CTNNBIP1: variants seen among roughly 807,000 people sequenced by gnomAD.
CTNNBIP1 encodes catenin beta interacting protein 1, also known as beta-catenin-interacting protein 1.
Under a neutral mutation model 11.8 loss-of-function variants are expected in CTNNBIP1, and 7 were observed. The observed-to-expected ratio is 0.60, with a 90% CI of 0.34 to 1.12. The LOEUF (loss-of-function observed/expected upper bound fraction) is 1.12. CTNNBIP1 is among the 50% of genes most tolerant of loss of function. The pLI, the probability that CTNNBIP1 is intolerant of heterozygous loss-of-function variation, is 0.03. For synonymous variants in CTNNBIP1, 58 were observed against 43.9 expected (o/e 1.32, Z -1.26); for missense variants, 101 against 113.4 (o/e 0.89, Z 0.50).
chr1:9,909,398 C>G (rs1270031924), intron 1 of CTNNBIP1, among the ~76,000 whole-genome samples: 2 of 152,204 alleles, frequency 1.3e-5, no homozygotes, highest in African/African-American at 4.8e-5. Context: ...ACAACAGGCA[C>G]TGCTCAGACA....
intron 5 of CTNNBIP1, among the ~76,000 whole-genome samples, chr1:9,869,602 G>A (rs1348830481): frequency 6.6e-6 from 1 of 152,194 alleles, no homozygotes; most frequent in Non-Finnish European, 1.5e-5. Flanking sequence ...TGGGATTACA[G>A]CTGTGAGCCA....
chr1:9,889,650 A>C (rs1312030101), intron 1 of CTNNBIP1, among the ~76,000 whole-genome samples: 1 of 152,154 alleles, frequency 6.6e-6, no homozygotes, highest in African/African-American at 2.4e-5. Flanking sequence ...CACCGCCCCA[A>C]CACTGTACCT....
chr1:9,859,520 TG>T (rs1458966781), intron 5 of CTNNBIP1, among the ~76,000 whole-genome samples: 1 of 152,190 alleles, frequency 6.6e-6, no homozygotes, highest in Non-Finnish European at 1.5e-5. Flanking sequence ...GAAAGCCTCC[TG>T]GGGGCCTCTG....
chr1:9,894,058 T>A (rs372229572), intron 1 of CTNNBIP1, among the ~76,000 whole-genome samples: 1 of 152,204 alleles, frequency 6.6e-6, no homozygotes, highest in African/African-American at 2.4e-5. Context: ...TGTTTTTTTT[T>A]CTTCCTCCTC....
chr1:9,852,450 C>G (rs1296574250), intron 5 of CTNNBIP1, among the ~76,000 whole-genome samples: 1 of 152,188 alleles, frequency 6.6e-6, no homozygotes, highest in Admixed American at 6.5e-5. Flanking sequence ...GAAAGGGACA[C>G]GAGTTGTCCA....
At chr1:9,896,974 C>CA (rs527731512) in intron 1 of CTNNBIP1, among the ~76,000 whole-genome samples, 10,419 of 132,032 alleles carry the variant, frequency 0.079, 447 homozygotes, top group South Asian at 0.17. Context: ...CTCAAACAAA[C>CA]AAAAAAAAAA....
chr1:9,876,548 C>T (rs1030781494), intron 3 of CTNNBIP1, among the ~76,000 whole-genome samples: 2 of 152,088 alleles, frequency 1.3e-5, no homozygotes, highest in Non-Finnish European at 2.9e-5. Flanking sequence ...ACCTGGGAGG[C>T]GGCAGTTGCC....
rs766908635 is a variant in CTNNBIP1, at chr1:9,897,408, C to T, written c.-144+12687G>A. Among the ~76,000 whole-genome samples, 12 of 151,916 alleles carry T rather than the reference C, an allele frequency of 7.9e-5. No homozygotes were observed. In the South Asian group the frequency reaches 8.3e-4, roughly 11 times the overall value. On this transcript the variant is annotated intron_variant, in intron 1 of 5. Coordinates refer to ENST00000377263, the MANE Select transcript of CTNNBIP1 (RefSeq NM_020248.3). ...GGCGGAGCTTGCAGTGAGCCAAGATCGCTCCACTGCACTCTAGCCTGGGCC... is the reference window on the plus strand; with the variant it reads ...GGCGGAGCTTGCAGTGAGCCAAGATTGCTCCACTGCACTCTAGCCTGGGCC...
Position 9,850,661 on chromosome 1 carries a change from A to G in CTNNBIP1, c.*57T>C, listed in dbSNP as rs1171981183. On this transcript the variant is annotated 3_prime_UTR_variant, in exon 6 of 6. Coordinates refer to ENST00000377263, the MANE Select transcript of CTNNBIP1 (RefSeq NM_020248.3). ...GCTGCTGCCACTCAGCCGGCCCAGG[A>G]GCCACACAGATCTCTTGGCCCTCAA... 1 of 1,539,402 alleles carries G rather than the reference A, an allele frequency of 6.5e-7. No homozygotes were observed. Among genetic ancestry groups the G allele is most frequent in the East Asian group, 2.2e-5 (1 of 44,506 alleles).
At position 9,871,500 on chromosome 1, in the gene CTNNBIP1, T is replaced by A. The variant is rs1337125910; in HGVS notation, c.97-223A>T. On this transcript the variant is annotated intron_variant, in intron 4 of 5. Transcript: ENST00000377263. This position sits in a 1 kb window ranked among gnomAD's most constrained non-coding sequence, Gnocchi z 5.2. ...CAAAGCCTTTGCCACTCAGACTGAATCTGAGATTAAGGTCTGTTCTAGTAT... is the reference window on the plus strand; with the variant it reads ...CAAAGCCTTTGCCACTCAGACTGAAACTGAGATTAAGGTCTGTTCTAGTAT... Among the ~76,000 whole-genome samples the A allele has an allele frequency of 1.4e-5, 2 of 145,498 alleles. No individual in the cohort carries two copies. The highest frequency in any genetic ancestry group is 3.0e-5 in the Non-Finnish European group (2 of 65,946).
intron 5 of CTNNBIP1, among the ~76,000 whole-genome samples, chr1:9,864,746 C>T (rs1373926117): frequency 1.3e-5 from 2 of 152,224 alleles, no homozygotes; most frequent in Non-Finnish European, 2.9e-5. Context: ...GGCACCACCC[C>T]AGTGCAGTGC....
chr1:9,884,156 G>A (rs915955095), intron 1 of CTNNBIP1, among the ~76,000 whole-genome samples: 9 of 152,170 alleles, frequency 5.9e-5, no homozygotes, highest in Non-Finnish European at 1.3e-4. Context: ...CTGCTGGGCA[G>A]TGAGTGGGGG....
intron 5 of CTNNBIP1, among the ~76,000 whole-genome samples, chr1:9,857,089 T>C (rs936656895): frequency 6.6e-6 from 1 of 150,438 alleles, no homozygotes; most frequent in Non-Finnish European, 1.5e-5. Context: ...GCCACTGCAC[T>C]CCAGCCCGGG....
intron 5 of CTNNBIP1, among the ~76,000 whole-genome samples, chr1:9,865,858 G>A (rs1638733276): frequency 6.6e-6 from 1 of 152,108 alleles, no homozygotes. Flanking sequence ...CGCATTAGAG[G>A]GAGCCACACT....
In CTNNBIP1 at chr1:9,851,570, A is replaced by G. The variant is rs1557741615; in HGVS notation, c.188-794T>C. Among the ~76,000 whole-genome samples the G allele has an allele frequency of 2.0e-5, 3 of 151,972 alleles. No homozygotes were observed. The highest frequency in any genetic ancestry group is 2.0e-4 in the Admixed American group (3 of 15,262). On this transcript the variant is annotated intron_variant, in intron 5 of 5. Transcript: ENST00000377263. This position sits in a 1 kb window ranked among gnomAD's most constrained non-coding sequence, Gnocchi z 4.8. ...GTATTTTTAGTAGAGATGAGGTTTC[A>G]CCATGTTGGTCAGGCTGGTCTCAAA... is the stretch of plus-strand genomic sequence containing the variant.
chr1:9,907,319 C>T (rs995632850), intron 1 of CTNNBIP1, among the ~76,000 whole-genome samples: 6 of 152,178 alleles, frequency 3.9e-5, no homozygotes, highest in African/African-American at 9.7e-5. Flanking sequence ...TACAGGCACT[C>T]GCCATCATGC....
intron 5 of CTNNBIP1, among the ~76,000 whole-genome samples, chr1:9,866,679 CAAA>C (rs57899217): frequency 9.3e-6 from 1 of 107,246 alleles, no homozygotes; most frequent in Admixed American, 1.0e-4. Context: ...AACTCCTTCT[CAAA>C]AAAAAAAAAA....
At position 9,851,132 on chromosome 1, in the gene CTNNBIP1, GGGTGGCCCTT is replaced by G. The variant is rs1260192717; in HGVS notation, c.188-366_188-357del. On this transcript the variant is annotated intron_variant, in intron 5 of 5. Coordinates refer to ENST00000377263, the MANE Select transcript of CTNNBIP1 (RefSeq NM_020248.3). This position sits in a 1 kb window ranked among gnomAD's most constrained non-coding sequence, Gnocchi z 4.8. ...TCCAGAGTTACCAAAGCCAGAGGCG[GGGTGGCCCTT>G]GGGAACCTCCCTCTTTCTTCTCAAG... is the stretch of plus-strand genomic sequence containing the variant. 2.0e-5 allele frequency among the ~76,000 whole-genome samples: 3 copies of G among 152,226 alleles called. No homozygotes were observed. The highest frequency in any genetic ancestry group is 2.0e-4 in the Admixed American group (3 of 15,288).
chr1:9,897,237 G>A (rs995318690), intron 1 of CTNNBIP1, among the ~76,000 whole-genome samples: 86 of 151,636 alleles, frequency 5.7e-4, no homozygotes, highest in African/African-American at 2.0e-3. Context: ...GGCGGATCAC[G>A]AGGTCAGGAG....
Sources: allele counts gnomAD v4.1 joint callset (sites outside exome capture counted in the v4.1 genomes callset), GRCh38; gene constraint gnomAD v4.1.1; non-coding constraint Gnocchi (gnomAD v3.1); transcripts MANE v1.5; gene names NCBI Gene and HGNC (gene_info 2026-07-23, HGNC 2026-07-21).